The following LY96 variants were observed in gnomAD, a reference collection of about 807,000 sequenced individuals.
LY96 encodes the protein lymphocyte antigen 96.
Under a neutral mutation model 18.9 loss-of-function variants are expected in LY96, and 18 were observed. The ratio of observed to expected loss-of-function variants is 0.95; its 90% CI spans 0.66 to 1.41. LY96 has a LOEUF of 1.41. LY96 is among the 40% of genes most tolerant of loss of function. The pLI is 0.00. For missense variants in LY96, 175 were observed against 182.4 expected (o/e 0.96, Z 0.23); for synonymous variants, 66 against 62.6 (o/e 1.06, Z -0.26).
the LY96 span, among the ~76,000 whole-genome samples, chr8:74,047,478 A>G: frequency 6.6e-6 from 1 of 152,210 alleles, no homozygotes; most frequent in Non-Finnish European, 1.5e-5. Flanking sequence ...ATCTTAGCAG[A>G]TCAAGTTGGC....
chr8:74,092,654 C>T, the LY96 span, among the ~76,000 whole-genome samples: 2 of 152,212 alleles, frequency 1.3e-5, no homozygotes, highest in African/African-American at 4.8e-5. Context: ...ATAGCTAACA[C>T]TGAACTCACT....
chr8:74,073,324 T>C, the LY96 span, among the ~76,000 whole-genome samples: 1 of 152,172 alleles, frequency 6.6e-6, no homozygotes. Context: ...AACAGATGTA[T>C]GTGAGGGAAA....
intron 3 of LY96, among the ~76,000 whole-genome samples, chr8:74,011,490 AG>A (rs1368622647): frequency 6.6e-6 from 1 of 152,230 alleles, no homozygotes; most frequent in Non-Finnish European, 1.5e-5. Flanking sequence ...TTCATCCAAC[AG>A]GGGACTAATA....
chr8:74,089,233 T>C, the LY96 span, among the ~76,000 whole-genome samples: 3 of 152,196 alleles, frequency 2.0e-5, no homozygotes, highest in Non-Finnish European at 4.4e-5. Context: ...TTTCGATGGA[T>C]TTTTTCAGTG....
At chr8:74,045,690 CT>C in the LY96 span, among the ~76,000 whole-genome samples, 1 of 152,162 alleles carries the variant, frequency 6.6e-6, no homozygotes, top group South Asian at 2.1e-4. Context: ...CATTATTGCT[CT>C]AAGTCTAAAG....
chr8:74,091,551 T>C, the LY96 span, among the ~76,000 whole-genome samples: 1 of 152,168 alleles, frequency 6.6e-6, no homozygotes, highest in African/African-American at 2.4e-5. Context: ...AATTGTATTC[T>C]TTCATGGTGT....
downstream of LY96, chr8:74,029,157 A>G (rs572253687): frequency 1.4e-6 from 1 of 699,420 alleles, no homozygotes; most frequent in Non-Finnish European, 2.5e-6. Context: ...AGACACAGAA[A>G]TGACTGTCAT....
the LY96 span, among the ~76,000 whole-genome samples, chr8:74,039,111 T>A: frequency 2.6e-5 from 4 of 152,236 alleles, no homozygotes; most frequent in African/African-American, 7.2e-5. Context: ...TGATTTGCAT[T>A]TCTCTGATGA....
At chr8:74,019,354 C>T (rs1277268693) in intron 3 of LY96, among the ~76,000 whole-genome samples, 1 of 152,158 alleles carries the variant, frequency 6.6e-6, no homozygotes, top group African/African-American at 2.4e-5. Context: ...CATACACCCT[C>T]CCAAGACTAA....
the LY96 span, among the ~76,000 whole-genome samples, chr8:74,080,759 C>G: frequency 2.6e-5 from 4 of 152,182 alleles, no homozygotes; most frequent in South Asian, 8.3e-4. Flanking sequence ...TACAGAGGCC[C>G]CACCTTGCTG....
the LY96 span, among the ~76,000 whole-genome samples, chr8:74,060,380 G>A: frequency 6.6e-6 from 1 of 152,282 alleles, no homozygotes; most frequent in African/African-American, 2.4e-5. Flanking sequence ...TAGCCTTCAG[G>A]TCTTGGCTTA....
chr8:74,058,078 T>C, the LY96 span, among the ~76,000 whole-genome samples: 1 of 152,138 alleles, frequency 6.6e-6, no homozygotes, highest in African/African-American at 2.4e-5. Flanking sequence ...AGGTCTAGGC[T>C]TGAACAAATA....
At chr8:74,006,838 T>C (rs1329205844) in intron 2 of LY96, among the ~76,000 whole-genome samples, 1 of 152,244 alleles carries the variant, frequency 6.6e-6, no homozygotes, top group Non-Finnish European at 1.5e-5. Flanking sequence ...AAACAGGTTG[T>C]ATCTTTCCAG....
the LY96 span, among the ~76,000 whole-genome samples, chr8:74,077,543 A>G: frequency 6.6e-6 from 1 of 152,202 alleles, no homozygotes; most frequent in Non-Finnish European, 1.5e-5. Context: ...TGGAGGACTG[A>G]TAGATAAAAC....
chr8:74,069,894 G>T, the LY96 span, among the ~76,000 whole-genome samples: 1 of 152,092 alleles, frequency 6.6e-6, no homozygotes, highest in Non-Finnish European at 1.5e-5. Flanking sequence ...AAGCCACTGT[G>T]CCCGGCCCAT....
chr8:74,083,997 T>G, the LY96 span, among the ~76,000 whole-genome samples: 1 of 152,210 alleles, frequency 6.6e-6, no homozygotes, highest in South Asian at 2.1e-4. Context: ...AAAACTTTTC[T>G]AATCTACAGG....
chr8:74,076,079 G>A, the LY96 span, among the ~76,000 whole-genome samples: 1 of 152,060 alleles, frequency 6.6e-6, no homozygotes, highest in Non-Finnish European at 1.5e-5. Context: ...TTTCTCGGTC[G>A]CTGAATGTGA....
chr8:74,029,297 TTA>T (rs1816930248), downstream of LY96, among the ~76,000 whole-genome samples: 1 of 152,158 alleles, frequency 6.6e-6, no homozygotes, highest in Non-Finnish European at 1.5e-5. Flanking sequence ...AGAGTGTTTG[TTA>T]TGTTTTCCAC....
downstream of LY96, among the ~76,000 whole-genome samples, chr8:74,032,802 C>T (rs1462423470): frequency 6.6e-6 from 1 of 152,178 alleles, no homozygotes; most frequent in Non-Finnish European, 1.5e-5. Context: ...CCACAGCTCA[C>T]TATTAAACAA....
Sources: gnomAD v4.1 joint callset for allele counts (sites outside exome capture counted in the v4.1 genomes callset) on GRCh38, gnomAD v4.1.1 for gene constraint, MANE v1.5 for transcripts, NCBI Gene and HGNC (gene_info 2026-07-23, HGNC 2026-07-21) for gene names.